The following TMEM164 variants were observed in gnomAD, a reference collection of about 807,000 sequenced individuals.
The protein encoded by TMEM164 is RP13-360B22.2.
TMEM164 carries 4 observed loss-of-function variants against 18.8 expected under a neutral mutation model. That is an observed-to-expected ratio of 0.21 (90% CI 0.10 to 0.49). The LOEUF (loss-of-function observed/expected upper bound fraction) is 0.49, where lower values mean the gene tolerates loss of function less well. Among genes scored for constraint, TMEM164 ranks in the 20% least tolerant of loss-of-function variants. TMEM164 has a pLI of 0.98. For missense variants in TMEM164, 108 were observed against 239.9 expected (o/e 0.45, Z 3.63); for synonymous variants, 86 against 101.7 (o/e 0.85, Z 0.93).
At chrX:110,145,680 G>A (rs921178536) in intron 5 of TMEM164, among the ~76,000 whole-genome samples, 8 of 111,955 alleles carry the variant, frequency 7.1e-5, no homozygotes, top group African/African-American at 2.6e-4. Context: ...AGGCAGCAAG[G>A]GTTTCATTTC....
chrX:110,098,721 G>A (rs1156853011), intron 3 of TMEM164, among the ~76,000 whole-genome samples: 1 of 110,471 alleles, frequency 9.1e-6, no homozygotes, highest in Non-Finnish European at 1.9e-5. Context: ...CTTATTTGCC[G>A]TGAAAACAAC....
Position 110,176,383 on chromosome X carries a change from C to T in TMEM164, c.*2932C>T, listed in dbSNP as rs554832760. 2.3e-5 allele frequency: 17 copies of T among 754,848 alleles called. No homozygotes were observed. The South Asian group carries it at 9.5e-4, about 42-fold the overall frequency. 62.2% of individuals were successfully genotyped at this position (754,848 alleles called of 1,213,427 possible). Reference sequence around the variant, plus strand: ...CCAGAGGCACAACAGTAACATGTTCCTCTGTCAGCCTGTGAAGGCATGCAG... The same window carrying T: ...CCAGAGGCACAACAGTAACATGTTCTTCTGTCAGCCTGTGAAGGCATGCAG... On this transcript the variant is annotated 3_prime_UTR_variant, in exon 7 of 7. Transcript: ENST00000372068.
intron 4 of TMEM164, 87 bp from the exon 5 acceptor site, chrX:110,144,711 C>A: frequency 2.9e-6 from 2 of 694,034 alleles, no homozygotes; most frequent in Non-Finnish European, 4.4e-6. Context: ...AAATATGGGT[C>A]CTGAACAGCA....
intron 4 of TMEM164, among the ~76,000 whole-genome samples, chrX:110,128,334 A>G (rs1383095565): frequency 8.9e-6 from 1 of 112,408 alleles, no homozygotes; most frequent in Admixed American, 9.4e-5. Context: ...GTCACATTTC[A>G]GGGAAGGTTC....
At chrX:110,117,245 TC>T (rs1188125942) in intron 4 of TMEM164, among the ~76,000 whole-genome samples, 1 of 111,815 alleles carries the variant, frequency 8.9e-6, no homozygotes, top group Non-Finnish European at 1.9e-5. Flanking sequence ...ATACCAAAGG[TC>T]ATCATACCAA....
chrX:110,160,271 C>T (rs772712338), intron 5 of TMEM164, among the ~76,000 whole-genome samples: 3 of 111,697 alleles, frequency 2.7e-5, no homozygotes, highest in South Asian at 7.6e-4. Flanking sequence ...AGCACATGAA[C>T]GCAGACAACA....
At chrX:110,068,841 A>G (rs2065540283) in intron 3 of TMEM164, among the ~76,000 whole-genome samples, 1 of 111,583 alleles carries the variant, frequency 9.0e-6, no homozygotes, top group Non-Finnish European at 1.9e-5. Flanking sequence ...ACATGCATAC[A>G]CACATACACA....
chrX:110,108,125 T>TGTGTGTGTGTGTGTGTGA (rs1444288844), intron 3 of TMEM164, among the ~76,000 whole-genome samples: 2 of 102,788 alleles, frequency 1.9e-5, no homozygotes, highest in Admixed American at 1.0e-4. Context: ...TGTGTGTGTG[T>TGTGTGTGTGTGTGTGTGA]GATTGAGATT....
chrX:110,025,038 A>C (rs2147734483), intron 2 of TMEM164, among the ~76,000 whole-genome samples: 1 of 107,984 alleles, frequency 9.3e-6, no homozygotes, highest in African/African-American at 3.4e-5. Flanking sequence ...GTGTTCTTGA[A>C]CCCAGTGGCC....
intron 4 of TMEM164, among the ~76,000 whole-genome samples, chrX:110,126,373 G>T (rs1246900673): frequency 8.9e-6 from 1 of 112,496 alleles, no homozygotes; most frequent in Non-Finnish European, 1.9e-5. Context: ...AGCATCTCCT[G>T]CTCTGGGACA....
At chrX:110,059,435 G>A (rs917379618) in intron 2 of TMEM164, among the ~76,000 whole-genome samples, 1 of 111,337 alleles carries the variant, frequency 9.0e-6, no homozygotes, top group Non-Finnish European at 1.9e-5. Context: ...TTCAAGGTTG[G>A]TTTGGCTGTT....
intron 5 of TMEM164, among the ~76,000 whole-genome samples, chrX:110,157,810 G>A (rs1005489212): frequency 9.0e-6 from 1 of 111,676 alleles, no homozygotes; most frequent in Non-Finnish European, 1.9e-5. Flanking sequence ...ATGTGCCTGG[G>A]GGGACTGAAG....
chrX:110,123,088 T>C (rs1340194744), intron 4 of TMEM164, among the ~76,000 whole-genome samples: 2 of 111,947 alleles, frequency 1.8e-5, no homozygotes. Context: ...TTAATCTTTA[T>C]GTGTAGTGTG....
chrX:110,149,021 T>G (rs1440503697), intron 5 of TMEM164, among the ~76,000 whole-genome samples: 1 of 111,319 alleles, frequency 9.0e-6, no homozygotes, highest in African/African-American at 3.3e-5. Context: ...AGACAATTTT[T>G]GTCTTATCCA....
Position 110,068,110 on chromosome X carries a change from G to GC in TMEM164, c.440+715dup, listed in dbSNP as rs1486538454. ...GCCCCGATTCTGGAGATGTTCCTGA[G>GC]CAGTGAAATGGCTGCAAGCCAGAGG... is the stretch of plus-strand genomic sequence containing the variant. On this transcript the variant is annotated intron_variant, in intron 3 of 6. Coordinates refer to ENST00000372068, the MANE Select transcript of TMEM164 (RefSeq NM_032227.4). Among the ~76,000 whole-genome samples, 5 of 112,726 alleles carry GC rather than the reference G, an allele frequency of 4.4e-5. No homozygotes were observed. In the Admixed American group the frequency reaches 4.7e-4, roughly 11 times the overall value.
At chrX:110,027,155 A>G (rs1329233035) in intron 2 of TMEM164, among the ~76,000 whole-genome samples, 1 of 111,727 alleles carries the variant, frequency 9.0e-6, no homozygotes, top group Non-Finnish European at 1.9e-5. Context: ...ATCATAAAGT[A>G]TGATCCTTAC....
At chrX:110,045,642 C>T (rs1221935403) in intron 2 of TMEM164, among the ~76,000 whole-genome samples, 1 of 111,725 alleles carries the variant, frequency 9.0e-6, no homozygotes. Context: ...ATGGGCTTGA[C>T]GAGCTGAGAG....
chrX:110,107,255 C>A (rs1040158763), intron 3 of TMEM164, among the ~76,000 whole-genome samples: 1 of 111,517 alleles, frequency 9.0e-6, no homozygotes, highest in Non-Finnish European at 1.9e-5. Context: ...GTCAGATAAA[C>A]CTGGTTTTGA....
rs1244000014 is a variant in TMEM164, at chrX:110,084,362, G to GTATATATATAAGTATATATA, written c.440+16970_440+16971insTATATAAGTATATATATATA. 8.6e-3 allele frequency among the ~76,000 whole-genome samples: 97 copies of GTATATATATAAGTATATATA among 11,228 alleles called. 7 individuals carry two copies. The highest frequency in any genetic ancestry group is 0.036 in the South Asian group (4 of 111). 9.8% of individuals were successfully genotyped at this position (11,228 alleles called of 115,157 possible). A position where few individuals can be genotyped will look rare whatever the true frequency, so the allele number is the denominator to read the frequency against. On this transcript the variant is annotated intron_variant, in intron 3 of 6. Coordinates refer to ENST00000372068, the MANE Select transcript of TMEM164 (RefSeq NM_032227.4). ...CTACTAAAAATACTATATATATATA[G>GTATATATATAAGTATATATA]TATAGTATATATATAGTGTATATAT...
Sources: allele counts gnomAD v4.1 joint callset (sites outside exome capture counted in the v4.1 genomes callset), GRCh38; gene constraint gnomAD v4.1.1; transcripts MANE v1.5; gene names NCBI Gene and HGNC (gene_info 2026-07-23, HGNC 2026-07-21).